CACNA1A: variants seen among roughly 807,000 people sequenced by gnomAD.
CACNA1A encodes calcium voltage-gated channel subunit alpha1 A.
In CACNA1A, 57 loss-of-function variants were observed where a neutral mutation model predicts 262.4. That is an observed-to-expected ratio of 0.22 (90% CI 0.18 to 0.27). The LOEUF (loss-of-function observed/expected upper bound fraction) is 0.27. Among genes scored for constraint, CACNA1A ranks in the 10% least tolerant of loss-of-function variants. The pLI, the probability that CACNA1A is intolerant of heterozygous loss-of-function variation, is 1.00. For synonymous variants in CACNA1A, 1,431 were observed against 1,419.3 expected (o/e 1.01, Z -0.18); for missense variants, 2,526 against 3,562.8 (o/e 0.71, Z 7.41).
chr19:13,326,435 G>A (rs2058364827), intron 10 of CACNA1A, among the ~76,000 whole-genome samples: 1 of 152,146 alleles, frequency 6.6e-6, no homozygotes. Context: ...GAATGAACCT[G>A]CTTTATAGTG....
chr19:13,255,076 G>C lies in CACNA1A; in HGVS notation c.4755+19C>G. 6.2e-7 allele frequency: 1 copy of C among 1,612,936 alleles called. No homozygotes were observed. On this transcript the variant is annotated intron_variant, in intron 29 of 46. Transcript: ENST00000360228. ...AGGTGGGGGTTAAGTAGTGCTGGGG[G>C]CTGGTGTGGGGCACTTACCTTCATC... is the stretch of plus-strand genomic sequence containing the variant.
chr19:13,458,501 T>TA (rs369867890), intron 1 of CACNA1A, among the ~76,000 whole-genome samples: 45 of 148,870 alleles, frequency 3.0e-4, no homozygotes, highest in Admixed American at 1.2e-3. Context: ...TTTACCTCAA[T>TA]AAAAAAAAAA....
At chr19:13,456,630 T>C (rs932358567) in intron 1 of CACNA1A, among the ~76,000 whole-genome samples, 1 of 152,046 alleles carries the variant, frequency 6.6e-6, no homozygotes, top group Non-Finnish European at 1.5e-5. Context: ...GCCAAGATCG[T>C]GCCACTGCAC....
Position 13,209,439 on chromosome 19 carries a change from T to A in CACNA1A, c.6399A>T (p.Arg2133=). Residue 2133 remains arginine, a synonymous_variant, in exon 45 of 47, where the codon CGA becomes CGT. Coordinates refer to ENST00000360228, the MANE Select transcript of CACNA1A (RefSeq NM_001127222.2). ...GCTCCAGCGAGTAATCGTCCAGGCGTCGGGCCTTGGGGCCCAGCACGGAGG... is the reference window on the plus strand; with the variant it reads ...GCTCCAGCGAGTAATCGTCCAGGCGACGGGCCTTGGGGCCCAGCACGGAGG... ...RSASVLGPKA[R]RLDDYSLERV... 7.2e-7 allele frequency: 1 copy of A among 1,382,160 alleles called. No homozygotes were observed. Among genetic ancestry groups the A allele is most frequent in the Non-Finnish European group, 9.4e-7 (1 of 1,063,358 alleles). 85.6% of individuals were successfully genotyped at this position (1,382,160 alleles called of 1,614,324 possible).
intron 10 of CACNA1A, among the ~76,000 whole-genome samples, chr19:13,329,162 A>T (rs2058423555): frequency 6.6e-6 from 1 of 152,206 alleles, no homozygotes; most frequent in South Asian, 2.1e-4. Flanking sequence ...AGGACAGAGG[A>T]GTGAGAAGGG....
At chr19:13,251,352 A>G (rs896155574) in intron 30 of CACNA1A, among the ~76,000 whole-genome samples, 17 of 150,836 alleles carry the variant, frequency 1.1e-4, no homozygotes, top group South Asian at 4.2e-4. Flanking sequence ...GTGTGGTGGC[A>G]GGCACCTGTA....
intron 4 of CACNA1A, among the ~76,000 whole-genome samples, chr19:13,369,440 C>T (rs888016705): frequency 3.9e-5 from 6 of 152,180 alleles, no homozygotes; most frequent in Non-Finnish European, 8.8e-5. Flanking sequence ...CAAGAGCCGT[C>T]CCCCAATAAA....
intron 1 of CACNA1A, among the ~76,000 whole-genome samples, chr19:13,472,894 A>C (rs1978288554): frequency 6.6e-6 from 1 of 152,142 alleles, no homozygotes; most frequent in Non-Finnish European, 1.5e-5. Context: ...TAAATTAGAG[A>C]TCTCAAGATG....
intron 31 of CACNA1A, chr19:13,243,616 G>T (rs1288738088): frequency 6.6e-6 from 1 of 151,908 alleles, no homozygotes; most frequent in Non-Finnish European, 1.5e-5. Flanking sequence ...GAGTGCAATG[G>T]TATGACCGTC....
chr19:13,460,295 G>C (rs2061097028), intron 1 of CACNA1A, among the ~76,000 whole-genome samples: 1 of 152,152 alleles, frequency 6.6e-6, no homozygotes, highest in South Asian at 2.1e-4. Flanking sequence ...TTCAGGGATA[G>C]GAGGAGGAGC....
chr19:13,221,365 T>C (rs1600107931), intron 38 of CACNA1A, among the ~76,000 whole-genome samples: 1 of 147,760 alleles, frequency 6.8e-6, no homozygotes, highest in Non-Finnish European at 1.5e-5. Flanking sequence ...CCCAAGTTGT[T>C]GGGATTATAG....
rs368868604 is a variant in CACNA1A, at chr19:13,414,867, G to C, written c.539+38009C>G. Among the ~76,000 whole-genome samples, 179 of 152,250 alleles carry C rather than the reference G, an allele frequency of 1.2e-3. 1 individual carries two copies. The highest frequency in any genetic ancestry group is 4.4e-3 in the East Asian group (23 of 5,176). On this transcript the variant is annotated intron_variant, in intron 3 of 46. Transcript: ENST00000360228. ...AGTCCCAGCTATTCCAGAGGCTGAGGGGGGAGGATCGCCTGAGCCTGGGAG... is the reference window on the plus strand; with the variant it reads ...AGTCCCAGCTATTCCAGAGGCTGAGCGGGGAGGATCGCCTGAGCCTGGGAG...
chr19:13,310,552 C>A (rs1334151243), intron 12 of CACNA1A, among the ~76,000 whole-genome samples: 23 of 120,338 alleles, frequency 1.9e-4, no homozygotes, highest in Non-Finnish European at 2.9e-4. Flanking sequence ...TCCACTTGAA[C>A]TTTGCATGAA....
intron 1 of CACNA1A, among the ~76,000 whole-genome samples, chr19:13,475,778 G>A (rs1422874912): frequency 6.6e-6 from 1 of 152,142 alleles, no homozygotes; most frequent in African/African-American, 2.4e-5. Context: ...GAGGCAGGGG[G>A]CAGAAGGAAC....
intron 1 of CACNA1A, among the ~76,000 whole-genome samples, chr19:13,460,189 C>T (rs1391116006): frequency 3.3e-5 from 5 of 152,180 alleles, no homozygotes; most frequent in Non-Finnish European, 7.3e-5. Flanking sequence ...CAGCCTTAGA[C>T]CTTGCATCCA....
Position 13,252,962 on chromosome 19 carries a change from C to T in CACNA1A, c.4866+29G>A, listed in dbSNP as rs2056441953. On this transcript the variant is annotated intron_variant, in intron 30 of 46. Coordinates refer to ENST00000360228, the MANE Select transcript of CACNA1A (RefSeq NM_001127222.2). ...TTCCCCCTTGGGCTTCTCCCAAGCC[C>T]ATAGCTGTAGCCCCAAGGTGGTACT... is the stretch of plus-strand genomic sequence containing the variant. 2.0e-6 allele frequency: 3 copies of T among 1,469,552 alleles called. No individual in the cohort carries two copies. The East Asian group carries it at 6.8e-5, about 33-fold the overall frequency. The allele number at this position is 1,469,552 out of a possible 1,614,324, so 91.0% of individuals were successfully genotyped here.
Position 13,483,333 on chromosome 19 carries a change from A to G in CACNA1A, c.293+22599T>C, listed in dbSNP as rs555924685. Among the ~76,000 whole-genome samples the G allele has an allele frequency of 2.5e-4, 38 of 152,304 alleles. No individual in the cohort carries two copies. The East Asian group carries it at 7.3e-3, about 29-fold the overall frequency. On this transcript the variant is annotated intron_variant, in intron 1 of 46. Coordinates refer to ENST00000360228, the MANE Select transcript of CACNA1A (RefSeq NM_001127222.2). ...CATTCGTATTGCCTTAAGCTACTGC[A>G]GACTTGGGGGTTGCTTGTTACAGCA...
chr19:13,340,897 G>A (rs954585045), intron 6 of CACNA1A, among the ~76,000 whole-genome samples: 5 of 151,972 alleles, frequency 3.3e-5, no homozygotes, highest in African/African-American at 7.3e-5. Context: ...CCTAAATGAC[G>A]GGTTTCCTTA....
At chr19:13,334,595 G>GTGTT in intron 7 of CACNA1A, 102 bp from the exon 8 acceptor site, 6 of 56,828 alleles carry the variant, frequency 1.1e-4, no homozygotes, top group East Asian at 6.9e-4. Context: ...GTGTGTGTTT[G>GTGTT]TGTGTGTGTG....
Sources: allele counts gnomAD v4.1 joint callset (sites outside exome capture counted in the v4.1 genomes callset), GRCh38; gene constraint gnomAD v4.1.1; transcripts MANE v1.5; gene names NCBI Gene and HGNC (gene_info 2026-07-23, HGNC 2026-07-21).